The following UPK1B variants were observed in gnomAD, a reference collection of about 807,000 sequenced individuals.
UPK1B encodes uroplakin 1B.
Under a neutral mutation model 34.2 loss-of-function variants are expected in UPK1B, and 28 were observed. The ratio of observed to expected loss-of-function variants is 0.82; its 90% CI spans 0.61 to 1.12. The LOEUF is 1.12. Among genes scored for constraint, UPK1B ranks in the 50% most tolerant of loss-of-function variants. The pLI is 0.00. For synonymous variants in UPK1B, 81 were observed against 110.4 expected, an observed-to-expected ratio of 0.73 and a Z score of 1.67; for missense variants, 325 against 320.9, an observed-to-expected ratio of 1.01 and a Z score of -0.10.
intron 6 of UPK1B, among the ~76,000 whole-genome samples, chr3:119,195,839 G>C (rs2107436412): frequency 6.6e-6 from 1 of 152,284 alleles, no homozygotes; most frequent in East Asian, 1.9e-4. Context: ...GGACAAACCT[G>C]AAGCTTTTCT....
intron 7 of UPK1B, among the ~76,000 whole-genome samples, chr3:119,201,044 A>T (rs1042247665): frequency 1.9e-4 from 28 of 148,288 alleles, no homozygotes; most frequent in Admixed American, 4.1e-4. Context: ...GGCTTTTTAA[A>T]TTTTTTTTTT....
intron 1 of UPK1B, among the ~76,000 whole-genome samples, chr3:119,180,279 T>G (rs1304571522): frequency 6.6e-6 from 1 of 152,236 alleles, no homozygotes; most frequent in Non-Finnish European, 1.5e-5. Flanking sequence ...GAGGGTAATC[T>G]GCTTTACTGC....
At chr3:119,174,482 A>T (rs1250284486) in intron 1 of UPK1B, among the ~76,000 whole-genome samples, 2 of 152,242 alleles carry the variant, frequency 1.3e-5, no homozygotes, top group African/African-American at 4.8e-5. Flanking sequence ...GTAGCCAGTC[A>T]CAGTGGCACA....
intron 1 of UPK1B, among the ~76,000 whole-genome samples, chr3:119,180,791 C>T (rs1257051805): frequency 6.6e-6 from 1 of 152,074 alleles, no homozygotes; most frequent in East Asian, 1.9e-4. Context: ...TTCAAAGAAC[C>T]CTAAACATCA....
At chr3:119,181,931 A>G (rs892786350) in intron 1 of UPK1B, among the ~76,000 whole-genome samples, 23 of 152,218 alleles carry the variant, frequency 1.5e-4, no homozygotes, top group Non-Finnish European at 2.6e-4. Context: ...TGTGTCAGGG[A>G]GAAAGTGGCC....
chr3:119,203,774 G>GT, intron 7 of UPK1B, 143 bp from the exon 8 acceptor site: 1 of 840,834 alleles, frequency 1.2e-6, no homozygotes, highest in Non-Finnish European at 1.9e-6. Flanking sequence ...TTTTGTTTTG[G>GT]TTTTTTAGAA....
chr3:119,189,054 T>C (rs2078032215), intron 3 of UPK1B, among the ~76,000 whole-genome samples: 1 of 152,090 alleles, frequency 6.6e-6, no homozygotes. Context: ...TTCACTTGCA[T>C]CCCAGCCTCA....
At position 119,187,924 on chromosome 3, in the gene UPK1B, T is replaced by A; in HGVS notation, c.219T>A (p.Ser73=). 3 of 1,614,166 alleles carry A rather than the reference T, an allele frequency of 1.9e-6. No individual in the cohort carries two copies. The highest frequency in any genetic ancestry group is 2.5e-6 in the Non-Finnish European group (3 of 1,180,024). ...IFVGICLFCL[S]VLGIVGIMKS... The stretch of plus-strand genomic sequence containing the variant: ...TGGGCATCTGCCTCTTCTGCCTGTC[T>A]GTTCTAGGCATTGTAGGCATCATGA... The change falls in exon 3 of 8, where the codon TCT becomes TCA. Residue 73 remains serine (S), a synonymous_variant. Coordinates refer to ENST00000264234, the MANE Select transcript of UPK1B (RefSeq NM_006952.4).
intron 1 of UPK1B, among the ~76,000 whole-genome samples, chr3:119,178,388 A>C (rs1046151177): frequency 1.3e-5 from 2 of 152,304 alleles, no homozygotes; most frequent in East Asian, 3.9e-4. Flanking sequence ...TTGTAAGTGC[A>C]GAGGGAATGA....
rs147911154 is a variant in UPK1B at position 119,203,444 on chromosome 3, T to C, written c.733-473T>C. Among the ~76,000 whole-genome samples, 5 of 150,796 alleles carry C rather than the reference T, an allele frequency of 3.3e-5. No individual in the cohort carries two copies. In the East Asian group the frequency reaches 7.8e-4, roughly 24 times the overall value. On this transcript the variant is annotated intron_variant, in intron 7 of 7. Coordinates refer to ENST00000264234, the MANE Select transcript of UPK1B (RefSeq NM_006952.4). ...GACTGGATAAAGAAAATGTGGTCCA[T>C]GCACACTATGGAATACTATGCAGCC...
At position 119,194,381 on chromosome 3, in the gene UPK1B, G is replaced by T. The variant is rs370815438; in HGVS notation, c.631G>T (p.Gly211Cys). 27 of 1,611,474 alleles carry T rather than the reference G, an allele frequency of 1.7e-5. No homozygotes were observed. Among genetic ancestry groups the T allele is most frequent in the Middle Eastern group, 1.6e-4 (1 of 6,082 alleles). ...GGAGGCTTGTAAACTAGGCGTGCCT[G>T]GTTTTTATCACAATCAGGTGAGTCC... ...NLEACKLGVP[G>C]FYHNQGCYEL... is the part of the protein sequence containing the mutation. Residue 211 changes from glycine (G) to cysteine (C), a missense_variant, in exon 6 of 8, where the codon GGT (glycine) becomes TGT (cysteine). By Grantham distance (159) the Gly-to-Cys change is radical. Coordinates refer to ENST00000264234, the MANE Select transcript of UPK1B (RefSeq NM_006952.4).
At chr3:119,186,487 G>A (rs2078020083) in intron 1 of UPK1B, among the ~76,000 whole-genome samples, 1 of 152,194 alleles carries the variant, frequency 6.6e-6, no homozygotes, top group African/African-American at 2.4e-5. Flanking sequence ...CACACTCCTT[G>A]CCTGAAAGAA....
At chr3:119,175,012 C>CTTTTTTTTTTTTTT (rs374721069) in intron 1 of UPK1B, among the ~76,000 whole-genome samples, 3 of 67,450 alleles carry the variant, frequency 4.4e-5, no homozygotes, top group African/African-American at 6.2e-5. Context: ...CTTTTATTTT[C>CTTTTTTTTTTTTTT]TTTTTTTTTT....
chr3:119,177,520 A>G (rs1275810514), intron 1 of UPK1B, among the ~76,000 whole-genome samples: 1 of 152,206 alleles, frequency 6.6e-6, no homozygotes, highest in Non-Finnish European at 1.5e-5. Flanking sequence ...TGCAGCCAGA[A>G]CTGATGTATC....
chr3:119,179,133 G>A (rs2077973256), intron 1 of UPK1B, among the ~76,000 whole-genome samples: 1 of 151,674 alleles, frequency 6.6e-6, no homozygotes, highest in African/African-American at 2.4e-5. Context: ...TTCAAGACCA[G>A]CCTGGGCAAC....
chr3:119,175,012 C>CTTTTTTTTTTTTTTTT lies in UPK1B; in HGVS notation c.-29+1394_-29+1409dup, dbSNP rs374721069. 1.9e-4 allele frequency among the ~76,000 whole-genome samples: 13 copies of CTTTTTTTTTTTTTTTT among 67,448 alleles called. 2 individuals are homozygous for CTTTTTTTTTTTTTTTT. Among genetic ancestry groups the CTTTTTTTTTTTTTTTT allele is most frequent in the Admixed American group, 2.2e-4 (1 of 4,616 alleles). 44.2% of individuals were successfully genotyped at this position (67,448 alleles called of 152,430 possible). On this transcript the variant is annotated intron_variant, in intron 1 of 7. Transcript: ENST00000264234. ...CAGAACTTTTTTTTTCTTTTATTTTCTTTTTTTTTTTTTTTTTTTTTTTTT... is the reference window on the plus strand; with the variant it reads ...CAGAACTTTTTTTTTCTTTTATTTTCTTTTTTTTTTTTTTTTTTTTTTTTTTTTTTTTTTTTTTTTT...
chr3:119,177,224 C>G (rs1210874439), intron 1 of UPK1B, among the ~76,000 whole-genome samples: 1 of 152,150 alleles, frequency 6.6e-6, no homozygotes, highest in Non-Finnish European at 1.5e-5. Context: ...TCCCTGCCAG[C>G]TTTGTTTATG....
At chr3:119,202,693 G>A (rs1485395097) in intron 7 of UPK1B, among the ~76,000 whole-genome samples, 1 of 152,146 alleles carries the variant, frequency 6.6e-6, no homozygotes, top group African/African-American at 2.4e-5. Context: ...CAGATATCTT[G>A]AGTTCTGTGG....
intron 7 of UPK1B, among the ~76,000 whole-genome samples, chr3:119,202,690 C>T (rs761335337): frequency 6.6e-6 from 1 of 152,116 alleles, no homozygotes; most frequent in Non-Finnish European, 1.5e-5. Context: ...AGTCAGATAT[C>T]TTGAGTTCTG....
Sources: gnomAD v4.1 joint callset for allele counts (sites outside exome capture counted in the v4.1 genomes callset) on GRCh38, gnomAD v4.1.1 for gene constraint, MANE v1.5 for transcripts, NCBI Gene and HGNC (gene_info 2026-07-23, HGNC 2026-07-21) for gene names.